Variants in PTPN20 observed in about 807,000 individuals in gnomAD.
PTPN20 encodes the protein protein tyrosine phosphatase non-receptor type 20, also known as tyrosine-protein phosphatase non-receptor type 20.
In PTPN20, 9 loss-of-function variants were observed where a neutral mutation model predicts 35.0. The ratio of observed to expected loss-of-function variants is 0.26; its 90% CI spans 0.15 to 0.45. The LOEUF (loss-of-function observed/expected upper bound fraction) is 0.45. Among genes scored for constraint, PTPN20 ranks in the 20% least tolerant of loss-of-function variants. The probability of loss-of-function intolerance (pLI) is 1.00; values close to 1 mark genes in which losing one functional copy is unlikely to be tolerated. For missense variants in PTPN20, 111 were observed against 312.5 expected, an observed-to-expected ratio of 0.36 and a Z score of 4.86; for synonymous variants, 32 against 100.2, an observed-to-expected ratio of 0.32 and a Z score of 4.06.
At chr10:46,993,542 C>T (rs2058426267) in intron 9 of PTPN20, among the ~76,000 whole-genome samples, 1 of 152,326 alleles carries the variant, frequency 6.6e-6, no homozygotes, top group East Asian at 1.9e-4. Context: ...GCCCAGCAGA[C>T]AGCTGTGGGG....
At position 47,001,423 on chromosome 10, in the gene PTPN20, A is replaced by G. The variant is rs935693095; in HGVS notation, c.*682A>G. ...CAGTCCAAAACTAAAATAGATGTTT[A>G]TATAGAAAGCCCAAGAGGAGACTTT... On this transcript the variant is annotated 3_prime_UTR_variant, in exon 11 of 11. Coordinates refer to ENST00000374339, the MANE Select transcript of PTPN20 (RefSeq NM_001042357.5). 6.6e-6 allele frequency: 1 copy of G among 152,576 alleles called. No individual in the cohort carries two copies. The highest frequency in any genetic ancestry group is 1.9e-4 in the East Asian group (1 of 5,200). 9.5% of individuals were successfully genotyped at this position (152,576 alleles called of 1,614,324 possible).
chr10:46,950,696 T>C (rs1166535039), intron 5 of PTPN20, among the ~76,000 whole-genome samples: 1 of 152,052 alleles, frequency 6.6e-6, no homozygotes, highest in African/African-American at 2.4e-5. Flanking sequence ...AAAATCAATA[T>C]AGAATGATAT....
intron 2 of PTPN20, among the ~76,000 whole-genome samples, chr10:46,937,929 C>T (rs1589359808): frequency 7.5e-5 from 10 of 133,510 alleles, no homozygotes; most frequent in Admixed American, 1.5e-4. Flanking sequence ...TTCTTTTTTT[C>T]TTCTTTTTTC....
At chr10:46,995,271 G>GT (rs1190757231) in intron 9 of PTPN20, among the ~76,000 whole-genome samples, 1 of 121,562 alleles carries the variant, frequency 8.2e-6, no homozygotes, top group East Asian at 2.5e-4. Context: ...GCTTATTTTT[G>GT]TTTTTTATTG....
chr10:46,947,118 T>C (rs1364507597), intron 5 of PTPN20, among the ~76,000 whole-genome samples: 4 of 144,970 alleles, frequency 2.8e-5, no homozygotes, highest in Non-Finnish European at 4.5e-5. Flanking sequence ...TACTGAAGAA[T>C]ATTTCAGAAC....
chr10:46,996,593 T>A (rs2059142780), intron 9 of PTPN20, among the ~76,000 whole-genome samples: 1 of 152,352 alleles, frequency 6.6e-6, no homozygotes, highest in African/African-American at 2.4e-5. Context: ...TTTTTTGTGT[T>A]CTTTTATGAA....
intron 7 of PTPN20, among the ~76,000 whole-genome samples, chr10:46,976,263 G>GA (rs2136161387): frequency 9.4e-6 from 1 of 106,578 alleles, no homozygotes; most frequent in South Asian, 3.9e-4. Context: ...TTATAGATAT[G>GA]AAACTATGTT....
At chr10:46,920,545 G>A (rs1197048106) in intron 1 of PTPN20, among the ~76,000 whole-genome samples, 1 of 149,598 alleles carries the variant, frequency 6.7e-6, no homozygotes, top group Non-Finnish European at 1.5e-5. Flanking sequence ...AGAGCAGAGG[G>A]TGCTGGGGGC....
At chr10:46,918,638 G>C (rs1555105247) in intron 1 of PTPN20, among the ~76,000 whole-genome samples, 2 of 138,568 alleles carry the variant, frequency 1.4e-5, no homozygotes, top group East Asian at 4.0e-4. Context: ...TTTGAATTGG[G>C]AGTTATTTAG....
chr10:46,992,431 T>C (rs1403348490), intron 9 of PTPN20, among the ~76,000 whole-genome samples: 8 of 152,106 alleles, frequency 5.3e-5, no homozygotes, highest in Non-Finnish European at 8.8e-5. Flanking sequence ...CCCGAAATTC[T>C]TTTTTCTTTA....
At chr10:46,947,212 G>A (rs1443450305) in intron 5 of PTPN20, among the ~76,000 whole-genome samples, 1 of 129,848 alleles carries the variant, frequency 7.7e-6, no homozygotes, top group African/African-American at 2.8e-5. Context: ...ATGTGTATGT[G>A]TATATATATA....
intron 3 of PTPN20, among the ~76,000 whole-genome samples, chr10:46,941,802 A>G (rs1431016038): frequency 7.5e-6 from 1 of 133,970 alleles, no homozygotes; most frequent in Non-Finnish European, 1.6e-5. Context: ...GGATCTTAGA[A>G]CATTCCTGGA....
chr10:46,976,133 T>TG (rs1305997305), intron 7 of PTPN20, among the ~76,000 whole-genome samples: 2 of 129,216 alleles, frequency 1.5e-5, no homozygotes, highest in East Asian at 4.2e-4. Context: ...ATTCATTTAT[T>TG]TTTTTTTTAG....
chr10:47,000,032 A>G (rs1211781834), intron 10 of PTPN20, 58 bp downstream of exon 10: 2 of 1,604,132 alleles, frequency 1.2e-6, no homozygotes, highest in Admixed American at 1.7e-5. Context: ...TTAACATTGC[A>G]TAACACTTTA....
intron 1 of PTPN20, among the ~76,000 whole-genome samples, chr10:46,925,603 C>G (rs1213319880): frequency 7.2e-6 from 1 of 139,394 alleles, no homozygotes; most frequent in East Asian, 2.2e-4. Flanking sequence ...GGTTGGTTTT[C>G]TCTTCTCATT....
At chr10:46,988,817 T>C (rs1325245033) in intron 9 of PTPN20, among the ~76,000 whole-genome samples, 2 of 152,116 alleles carry the variant, frequency 1.3e-5, no homozygotes, top group Admixed American at 6.5e-5. Flanking sequence ...TAGAAGTCTT[T>C]TACTTTTTTG....
chr10:46,919,167 C>A (rs1341677489), intron 1 of PTPN20, among the ~76,000 whole-genome samples: 135 of 152,136 alleles, frequency 8.9e-4, no homozygotes, highest in African/African-American at 3.0e-3. Context: ...TTATCAATGT[C>A]TTTATATGTA....
chr10:46,923,522 C>A (rs2036094641), intron 1 of PTPN20, among the ~76,000 whole-genome samples: 1 of 149,676 alleles, frequency 6.7e-6, no homozygotes, highest in African/African-American at 2.5e-5. Context: ...CGGTTGACTA[C>A]ATTTGTGTGG....
intron 3 of PTPN20, among the ~76,000 whole-genome samples, chr10:46,941,235 GGAA>G (rs1194562313): frequency 6.7e-6 from 1 of 148,326 alleles, no homozygotes; most frequent in Non-Finnish European, 1.5e-5. Context: ...CTGGAGCTTT[GGAA>G]CTGCGATGAT....
Sources: gnomAD v4.1 joint callset for allele counts (sites outside exome capture counted in the v4.1 genomes callset) on GRCh38, gnomAD v4.1.1 for gene constraint, MANE v1.5 for transcripts, NCBI Gene and HGNC (gene_info 2026-07-23, HGNC 2026-07-21) for gene names.